ADGRB3: variants seen among roughly 807,000 people sequenced by gnomAD.
The protein encoded by ADGRB3 is brain-specific angiogenesis inhibitor 3.
A neutral mutation model predicts 193.4 loss-of-function variants in ADGRB3; 37 were observed. The observed-to-expected ratio is 0.19, with a 90% CI of 0.15 to 0.25. The LOEUF is 0.25. ADGRB3 is among the 10% of genes least tolerant of loss of function. The probability of loss-of-function intolerance (pLI) is 1.00; values close to 1 mark genes in which losing one functional copy is unlikely to be tolerated. For synonymous variants in ADGRB3, 690 were observed against 644.2 expected (o/e 1.07, Z -1.08); for missense variants, 1,637 against 1,852.9 (o/e 0.88, Z 2.14).
intron 15 of ADGRB3, among the ~76,000 whole-genome samples, chr6:69,055,812 T>G (rs1393907188): frequency 2.0e-5 from 3 of 152,002 alleles, no homozygotes; most frequent in Non-Finnish European, 1.5e-5. Context: ...TTTTTGTTTT[T>G]TTTTGTTTTG....
At chr6:68,717,595 C>T (rs547568014) in intron 3 of ADGRB3, among the ~76,000 whole-genome samples, 7 of 151,388 alleles carry the variant, frequency 4.6e-5, no homozygotes, top group Admixed American at 1.3e-4. Context: ...ACTGGGAAAG[C>T]GCTGGAAGCA....
At chr6:69,100,838 G>A (rs1172680453) in intron 17 of ADGRB3, among the ~76,000 whole-genome samples, 7 of 86,640 alleles carry the variant, frequency 8.1e-5, no homozygotes, top group African/African-American at 2.1e-4. Context: ...AGGAAGGAAG[G>A]AAGGAGGGAG....
rs748358049 is a variant in ADGRB3, at chr6:69,007,685, TCTCTCTCTCACACA to T, written c.1930-6351_1930-6338del. Among the ~76,000 whole-genome samples, 142 of 78,610 alleles carry T rather than the reference TCTCTCTCTCACACA, an allele frequency of 1.8e-3. 1 individual carries two copies. Among genetic ancestry groups the T allele is most frequent in the African/African-American group, 6.0e-3 (122 of 20,238 alleles). 51.6% of individuals were successfully genotyped at this position (78,610 alleles called of 152,430 possible). The stretch of plus-strand genomic sequence containing the variant: ...AAAGTAATCTCTCTCTCTCTCTCTC[TCTCTCTCTCACACA>T]CACACACACACACACACACACACAC... On this transcript the variant is annotated intron_variant, in intron 11 of 31. Coordinates refer to ENST00000370598, the MANE Select transcript of ADGRB3 (RefSeq NM_001704.3).
At chr6:69,219,887 A>T (rs1355937397) in intron 17 of ADGRB3, among the ~76,000 whole-genome samples, 1 of 152,042 alleles carries the variant, frequency 6.6e-6, no homozygotes, top group East Asian at 1.9e-4. Context: ...ACATTATAGT[A>T]ATGGGTCTGC....
At chr6:68,887,399 G>T (rs964002630) in intron 3 of ADGRB3, among the ~76,000 whole-genome samples, 6 of 151,998 alleles carry the variant, frequency 3.9e-5, no homozygotes, top group African/African-American at 7.2e-5. Context: ...ATGTGTATTG[G>T]TTTTTTATGT....
intron 17 of ADGRB3, among the ~76,000 whole-genome samples, chr6:69,100,264 C>A (rs77342580): frequency 0.061 from 9,358 of 152,168 alleles, 358 homozygotes; most frequent in South Asian, 0.11. Context: ...TTCTATTAAT[C>A]TTCTTACTTT....
At chr6:68,887,109 G>T (rs149509542) in intron 3 of ADGRB3, among the ~76,000 whole-genome samples, 12 of 151,160 alleles carry the variant, frequency 7.9e-5, no homozygotes, top group African/African-American at 2.7e-4. Flanking sequence ...GGGTATTAAC[G>T]CAATTCTTTA....
Position 69,361,497 on chromosome 6 carries a change from A to G in ADGRB3, c.4224A>G (p.Ser1408=). 1 of 1,612,102 alleles carries G rather than the reference A, an allele frequency of 6.2e-7. No individual in the cohort carries two copies. The highest frequency in any genetic ancestry group is 8.5e-7 in the Non-Finnish European group (1 of 1,178,678). The change falls in exon 29 of 32, where the codon TCA becomes TCG. Residue 1408 remains serine, a synonymous_variant. Transcript: ENST00000370598. ...LSRSETGSTI[S]MSSLERRKSR... The stretch of plus-strand genomic sequence containing the variant: ...GAAGTGAAACTGGATCAACGATATC[A>G]ATGAGTTCTTTAGAGGTGAGCCACA...
chr6:69,166,990 T>C (rs1714521040), intron 17 of ADGRB3, among the ~76,000 whole-genome samples: 1 of 152,176 alleles, frequency 6.6e-6, no homozygotes, highest in African/African-American at 2.4e-5. Flanking sequence ...CAAATCTTAA[T>C]CTGATGACAT....
intron 29 of ADGRB3, among the ~76,000 whole-genome samples, chr6:69,363,720 C>T (rs538121517): frequency 9.9e-5 from 15 of 152,080 alleles, no homozygotes; most frequent in African/African-American, 3.6e-4. Context: ...AGCCCTTGTC[C>T]TTTAAGTGTG....
In ADGRB3 at chr6:68,638,875, A is replaced by T. The variant is rs550437781; in HGVS notation, c.200A>T (p.Tyr67Phe). ...CTGGAAAATCCAGATCCAACCAAAT[A>T]TAGCATTTACCTGAAATTTTCCAAA... ...WTLENPDPTK[Y>F]SIYLKFSKKD... is the part of the protein sequence containing the mutation. The change falls in exon 3 of 32, where the codon TAT (tyrosine) becomes TTT (phenylalanine). Residue 67 changes from tyrosine to phenylalanine, a missense_variant. By Grantham distance (22) the Tyr-to-Phe change is conservative. Transcript: ENST00000370598. 46 of 1,614,052 alleles carry T rather than the reference A, an allele frequency of 2.8e-5. No individual in the cohort carries two copies. The highest frequency in any genetic ancestry group is 3.6e-5 in the Non-Finnish European group (42 of 1,180,036).
intron 19 of ADGRB3, among the ~76,000 whole-genome samples, chr6:69,237,392 C>T (rs548700646): frequency 6.9e-4 from 105 of 152,090 alleles, no homozygotes; most frequent in African/African-American, 2.3e-3. Flanking sequence ...AAATTTAATA[C>T]ATTAGGTTAT....
intron 3 of ADGRB3, among the ~76,000 whole-genome samples, chr6:68,748,193 T>A (rs1479207282): frequency 6.6e-6 from 1 of 152,070 alleles, no homozygotes; most frequent in South Asian, 2.1e-4. Context: ...CTAAATCTCA[T>A]GTCCTCACTT....
At chr6:68,739,611 T>C (rs962670636) in intron 3 of ADGRB3, among the ~76,000 whole-genome samples, 3 of 152,094 alleles carry the variant, frequency 2.0e-5, no homozygotes, top group African/African-American at 7.2e-5. Flanking sequence ...TTTGTTTACA[T>C]TTTTTGAGAA....
At chr6:68,965,630 T>C (rs1484244801) in intron 8 of ADGRB3, among the ~76,000 whole-genome samples, 1 of 152,174 alleles carries the variant, frequency 6.6e-6, no homozygotes, top group African/African-American at 2.4e-5. Flanking sequence ...AGCTAATCAC[T>C]AGGTAATTGC....
intron 3 of ADGRB3, among the ~76,000 whole-genome samples, chr6:68,906,906 T>G (rs1766563860): frequency 6.6e-6 from 1 of 152,018 alleles, no homozygotes; most frequent in African/African-American, 2.4e-5. Context: ...ATCACATCTA[T>G]TAATATTTGC....
intron 3 of ADGRB3, among the ~76,000 whole-genome samples, chr6:68,809,276 G>A (rs1038226505): frequency 5.3e-5 from 8 of 152,176 alleles, no homozygotes; most frequent in Non-Finnish European, 1.2e-4. Flanking sequence ...GAGATAATGT[G>A]ATGAAGGTTC....
chr6:68,875,159 T>TCCTCCCTC (rs1357635055), intron 3 of ADGRB3, among the ~76,000 whole-genome samples: 1 of 48,384 alleles, frequency 2.1e-5, no homozygotes. Context: ...TCTCCTTCCT[T>TCCTCCCTC]CCTTCCTTCC....
chr6:68,895,213 T>G (rs1766186061), intron 3 of ADGRB3, among the ~76,000 whole-genome samples: 1 of 112,772 alleles, frequency 8.9e-6, no homozygotes, highest in Admixed American at 9.5e-5. Context: ...CTGAATCTGC[T>G]GAGACTAATT....
Sources: gnomAD v4.1 joint callset for allele counts (sites outside exome capture counted in the v4.1 genomes callset) on GRCh38, gnomAD v4.1.1 for gene constraint, MANE v1.5 for transcripts, NCBI Gene and HGNC (gene_info 2026-07-23, HGNC 2026-07-21) for gene names.